Variants in RBM25 observed in about 807,000 individuals in gnomAD.
RBM25 encodes the protein RNA-binding protein 25.
RBM25 carries 19 observed loss-of-function variants against 120.7 expected under a neutral mutation model. That is an observed-to-expected ratio of 0.16 (90% confidence interval 0.11 to 0.23). The LOEUF (loss-of-function observed/expected upper bound fraction) is 0.23. Among genes scored for constraint, RBM25 ranks in the 10% least tolerant of loss-of-function variants. The pLI, the probability that RBM25 is intolerant of heterozygous loss-of-function variation, is 1.00. For synonymous variants in RBM25, 390 were observed against 326.7 expected, an observed-to-expected ratio of 1.19 and a Z score of -2.09; for missense variants, 605 against 1,041.5, an observed-to-expected ratio of 0.58 and a Z score of 5.77.
chr14:73,099,545 A>G (rs993278338), intron 8 of RBM25, 112 bp downstream of exon 8: 171 of 1,584,114 alleles, frequency 1.1e-4, no homozygotes, highest in Non-Finnish European at 1.3e-4. Flanking sequence ...TAGATTTGTT[A>G]TTGTGGATAT....
intron 5 of RBM25, among the ~76,000 whole-genome samples, chr14:73,085,762 T>C (rs1424459770): frequency 6.6e-6 from 1 of 152,178 alleles, no homozygotes; most frequent in African/African-American, 2.4e-5. Flanking sequence ...GCATATTTAA[T>C]ACAGAATAGG....
chr14:73,104,978 C>T (rs1364620908), intron 10 of RBM25, among the ~76,000 whole-genome samples: 2 of 149,544 alleles, frequency 1.3e-5, no homozygotes, highest in Non-Finnish European at 3.0e-5. Context: ...TAAAATCCAT[C>T]TCTTATATTT....
rs1366247189 is a variant in RBM25 at position 73,085,316 on chromosome 14, C to CAAGA, written c.382+1765_382+1766insAAGA. ...ACAGACGTGAGCCACCGCGCCCGGCCTCATCAGTAGTCTGTTTTGAAGAAT... is the reference window on the plus strand; with the variant it reads ...ACAGACGTGAGCCACCGCGCCCGGCCAAGATCATCAGTAGTCTGTTTTGAAGAAT... On this transcript the variant is annotated intron_variant, in intron 5 of 18. Coordinates refer to ENST00000261973, the MANE Select transcript of RBM25 (RefSeq NM_021239.3). Among the ~76,000 whole-genome samples the CAAGA allele has an allele frequency of 1.1e-3, 167 of 148,898 alleles. 4 individuals carry two copies. Among genetic ancestry groups the CAAGA allele is most frequent in the Admixed American group, 1.8e-3 (27 of 14,784 alleles).
intron 5 of RBM25, among the ~76,000 whole-genome samples, chr14:73,085,210 G>C (rs1895656048): frequency 6.6e-6 from 1 of 151,570 alleles, no homozygotes; most frequent in Admixed American, 6.6e-5. Flanking sequence ...GTAGAGACAG[G>C]GTTTCACCGT....
intron 1 of RBM25, among the ~76,000 whole-genome samples, chr14:73,063,242 C>T (rs1434720987): frequency 2.6e-5 from 4 of 151,142 alleles, no homozygotes; most frequent in African/African-American, 7.3e-5. Flanking sequence ...CTCCGCCTCC[C>T]GGGTTCACGC....
At chr14:73,086,658 C>T (rs2140439645) in intron 5 of RBM25, among the ~76,000 whole-genome samples, 1 of 152,236 alleles carries the variant, frequency 6.6e-6, no homozygotes, top group South Asian at 2.1e-4. Context: ...ATAACAGTTT[C>T]ACACTAACAA....
chr14:73,065,641 A>T (rs1310991344), intron 1 of RBM25, among the ~76,000 whole-genome samples: 2 of 146,608 alleles, frequency 1.4e-5, no homozygotes. Context: ...GATGGTCTTG[A>T]TCTCCTGACC....
At chr14:73,103,605 A>G (rs1896099474) in intron 10 of RBM25, 127 bp downstream of exon 10, 2 of 1,379,208 alleles carry the variant, frequency 1.5e-6, no homozygotes, top group African/African-American at 2.9e-5. Flanking sequence ...TCACTCTGTC[A>G]CTCAGCCTGG....
At chr14:73,082,393 G>GCCAT (rs1895583397) in intron 4 of RBM25, among the ~76,000 whole-genome samples, 1 of 152,092 alleles carries the variant, frequency 6.6e-6, no homozygotes, top group Non-Finnish European at 1.5e-5. Context: ...CTGGGCTCTA[G>GCCAT]CCATCCATCC....
chr14:73,088,540 C>T (rs765409346), intron 6 of RBM25: 62 of 372,078 alleles, frequency 1.7e-4, no homozygotes, highest in Non-Finnish European at 2.6e-4. Flanking sequence ...AGAAGTACAC[C>T]GACTCTAAAA....
rs900480577 is a variant in RBM25, at chr14:73,123,280, G to T, written c.*3475G>T. Reference sequence around the variant, plus strand: ...ACTATCTTTTTTTCTCCTTTTTAATGGAATAAATTTAATGCAAATAAGTGT... The same window carrying T: ...ACTATCTTTTTTTCTCCTTTTTAATTGAATAAATTTAATGCAAATAAGTGT... On this transcript the variant is annotated 3_prime_UTR_variant, in exon 19 of 19. Coordinates refer to ENST00000261973, the MANE Select transcript of RBM25 (RefSeq NM_021239.3). 1 of 151,778 alleles carries T rather than the reference G, an allele frequency of 6.6e-6. No individual in the cohort carries two copies. Among genetic ancestry groups the T allele is most frequent in the African/African-American group, 2.4e-5 (1 of 41,296 alleles). 9.4% of individuals were successfully genotyped at this position (151,778 alleles called of 1,614,324 possible). A position where few individuals can be genotyped will look rare whatever the true frequency, so the allele number is the denominator to read the frequency against.
At position 73,111,587 on chromosome 14, in the gene RBM25, A is replaced by G; in HGVS notation, c.2077A>G (p.Ser693Gly). 6.2e-7 allele frequency: 1 copy of G among 1,614,036 alleles called. No homozygotes were observed. The highest frequency in any genetic ancestry group is 8.5e-7 in the Non-Finnish European group (1 of 1,179,970). Reference sequence around the variant, plus strand: ...GAAGAGAAAGAAACTACCTGTAGATAGTGTCTTTAACAAATTTGAGGATGA... The same window carrying G: ...GAAGAGAAAGAAACTACCTGTAGATGGTGTCTTTAACAAATTTGAGGATGA... Reference protein sequence around the residue: ...SVKRKKLPVDSVFNKFEDEDS... With the variant: ...SVKRKKLPVDGVFNKFEDEDS... The change falls in exon 16 of 19, where the codon AGT (serine) becomes GGT (glycine). Residue 693 changes from serine (S) to glycine (G), a missense_variant. Physicochemically the swap from Ser to Gly is moderately conservative, Grantham distance 56 (BLOSUM62 0). Around this residue, in one of 4 missense-constraint regions of RBM25, gnomAD observed 465 missense variants for 741.6 expected, o/e 0.63. Coordinates refer to ENST00000261973, the MANE Select transcript of RBM25 (RefSeq NM_021239.3).
At chr14:73,071,329 G>A (rs996732766) in intron 1 of RBM25, among the ~76,000 whole-genome samples, 1 of 150,882 alleles carries the variant, frequency 6.6e-6, no homozygotes. Context: ...ATTCGTTTAT[G>A]TGTGGTATTT....
intron 9 of RBM25, chr14:73,101,303 G>A (rs746595887): frequency 9.8e-5 from 15 of 152,552 alleles, no homozygotes; most frequent in Middle Eastern, 3.4e-3. Flanking sequence ...ACCACAGACT[G>A]TCAGGGTATC....
In RBM25 at chr14:73,112,058, A is replaced by T. The variant is rs1401973697; in HGVS notation, c.2293-94A>T. ...GTCTTAGTTCAACTTGTGAAATAAC[A>T]TTATATTTTAGTCTCAGGAAAAATC... On this transcript the variant is annotated intron_variant, in intron 16 of 18. Transcript: ENST00000261973. 7 of 1,222,800 alleles carry T rather than the reference A, an allele frequency of 5.7e-6. No individual in the cohort carries two copies. The Admixed American group carries it at 1.4e-4, about 25-fold the overall frequency. The allele number at this position is 1,222,800 out of a possible 1,614,324, so 75.7% of individuals were successfully genotyped here.
chr14:73,064,536 G>A (rs950973665), intron 1 of RBM25, among the ~76,000 whole-genome samples: 26 of 150,192 alleles, frequency 1.7e-4, no homozygotes, highest in African/African-American at 3.4e-4. Flanking sequence ...CTGGGACTAC[G>A]GGCGCCTACC....
chr14:73,094,837 GTGTGTC>G (rs143965438), intron 6 of RBM25, among the ~76,000 whole-genome samples: 1 of 131,470 alleles, frequency 7.6e-6, no homozygotes, highest in Non-Finnish European at 1.8e-5. Flanking sequence ...GTGTGTGTGT[GTGTGTC>G]TGTGTGTGTG....
At chr14:73,067,001 G>A (rs979728495) in intron 1 of RBM25, among the ~76,000 whole-genome samples, 3 of 152,084 alleles carry the variant, frequency 2.0e-5, no homozygotes, top group African/African-American at 7.2e-5. Flanking sequence ...TATTCTGGTG[G>A]TGGGAATATA....
intron 17 of RBM25, among the ~76,000 whole-genome samples, chr14:73,112,736 CA>C (rs1896337772): frequency 6.6e-6 from 1 of 152,086 alleles, no homozygotes; most frequent in Admixed American, 6.6e-5. Context: ...TATTGACTGA[CA>C]GGCTGTGTTC....
Sources: gnomAD v4.1 joint callset for allele counts (sites outside exome capture counted in the v4.1 genomes callset) on GRCh38, gnomAD v4.1.1 for gene constraint, gnomAD v4.1.1 regional missense constraint, MANE v1.5 for transcripts, NCBI Gene and HGNC (gene_info 2026-07-23, HGNC 2026-07-21) for gene names.